The following SPECC1 variants were observed in gnomAD, a reference collection of about 807,000 sequenced individuals.
SPECC1 encodes cytospin-B.
SPECC1 carries 62 observed loss-of-function variants against 104.1 expected under a neutral mutation model. The observed-to-expected ratio is 0.60, with a 90% confidence interval of 0.49 to 0.74. The LOEUF is 0.74. SPECC1 is among the 30% of genes least tolerant of loss of function. The pLI, the probability that SPECC1 is intolerant of heterozygous loss-of-function variation, is 0.00. For synonymous variants in SPECC1, 513 were observed against 501.6 expected (o/e 1.02, Z -0.30); for missense variants, 1,306 against 1,310.5 (o/e 1.00, Z 0.05).
chr17:20,019,942 G>A (rs966478716), intron 1 of SPECC1, among the ~76,000 whole-genome samples: 6 of 152,260 alleles, frequency 3.9e-5, no homozygotes, highest in African/African-American at 1.2e-4. Flanking sequence ...CACAAGATTG[G>A]GAATTCCTTG....
intron 2 of SPECC1, among the ~76,000 whole-genome samples, chr17:20,107,455 CTTTTT>C (rs1306566275): frequency 6.9e-6 from 1 of 145,748 alleles, no homozygotes; most frequent in Non-Finnish European, 1.5e-5. Context: ...CTTTTCTTTT[CTTTTT>C]TCTTTTTTTT....
chr17:20,290,375 T>G (rs2041123204), intron 12 of SPECC1: 1 of 149,922 alleles, frequency 6.7e-6, no homozygotes, highest in South Asian at 2.1e-4. Context: ...AGAGTCTCAC[T>G]CTGTCACCCA....
intron 12 of SPECC1, among the ~76,000 whole-genome samples, chr17:20,284,171 G>C (rs1227592455): frequency 6.6e-6 from 1 of 152,124 alleles, no homozygotes; most frequent in Non-Finnish European, 1.5e-5. Context: ...CTGGGAGAAG[G>C]GAAACTCCTG....
At chr17:20,306,268 A>C (rs575261961) in intron 14 of SPECC1, 186 bp downstream of exon 14, 2 of 527,494 alleles carry the variant, frequency 3.8e-6, no homozygotes, top group African/African-American at 3.8e-5. Flanking sequence ...GAGATTTTCA[A>C]TCGCATAAGA....
chr17:20,081,328 A>C (rs565827522), intron 1 of SPECC1, among the ~76,000 whole-genome samples: 1 of 152,098 alleles, frequency 6.6e-6, no homozygotes, highest in East Asian at 1.9e-4. Flanking sequence ...TTGAGCAAAC[A>C]AATGAATGAG....
At chr17:20,155,838 C>A in intron 3 of SPECC1, 1 of 868,186 alleles carries the variant, frequency 1.2e-6, no homozygotes, top group Non-Finnish European at 1.4e-6. Context: ...CCGCCCACGG[C>A]GCGGGGCCTT....
chr17:20,169,758 C>T (rs1228844607), intron 3 of SPECC1, among the ~76,000 whole-genome samples: 1 of 152,150 alleles, frequency 6.6e-6, no homozygotes, highest in Non-Finnish European at 1.5e-5. Context: ...CTGCCCTGGC[C>T]TCCCAAAATG....
At chr17:20,197,625 GA>G (rs1318504542) in intron 3 of SPECC1, among the ~76,000 whole-genome samples, 3 of 152,090 alleles carry the variant, frequency 2.0e-5, no homozygotes, top group Middle Eastern at 3.2e-3. Context: ...CTGTTCCCTG[GA>G]AGGCAGAGAC....
chr17:20,101,426 G>A (rs992431587), intron 2 of SPECC1, among the ~76,000 whole-genome samples: 2 of 152,208 alleles, frequency 1.3e-5, no homozygotes, highest in Admixed American at 1.3e-4. Flanking sequence ...GTGATGATGA[G>A]CTTTTTTTCA....
intron 3 of SPECC1, among the ~76,000 whole-genome samples, chr17:20,135,886 T>C (rs1364748208): frequency 6.6e-6 from 1 of 152,234 alleles, no homozygotes; most frequent in African/African-American, 2.4e-5. Flanking sequence ...AGAGAGGGCA[T>C]AGGCATGACT....
chr17:20,016,561 C>T (rs1032088480), intron 1 of SPECC1, among the ~76,000 whole-genome samples: 9 of 152,168 alleles, frequency 5.9e-5, no homozygotes, highest in Non-Finnish European at 1.2e-4. Context: ...GCACTGGGAG[C>T]GGCCGGCCAG....
In SPECC1 at chr17:20,040,828, C is replaced by T. The variant is rs1200830322; in HGVS notation, c.-22+31404C>T. Among the ~76,000 whole-genome samples, 3 of 152,174 alleles carry T rather than the reference C, an allele frequency of 2.0e-5. No homozygotes were observed. The East Asian group carries it at 5.8e-4, about 29-fold the overall frequency. On this transcript the variant is annotated intron_variant, in intron 1 of 14. Transcript: ENST00000395527. ...ATTGGGCTTTTTATTTGGGGTTCAGCATTTCGAATCTATAGGTTTATGTCT... is the reference window on the plus strand; with the variant it reads ...ATTGGGCTTTTTATTTGGGGTTCAGTATTTCGAATCTATAGGTTTATGTCT...
chr17:20,274,605 CT>C (rs2040517808), intron 12 of SPECC1, among the ~76,000 whole-genome samples: 1 of 150,710 alleles, frequency 6.6e-6, no homozygotes, highest in South Asian at 2.1e-4. Context: ...CTCAGCCTCC[CT>C]AGTAGCTGGG....
chr17:20,030,241 CAT>C (rs1426025196), intron 1 of SPECC1, among the ~76,000 whole-genome samples: 4 of 151,998 alleles, frequency 2.6e-5, no homozygotes, highest in Non-Finnish European at 2.9e-5. Context: ...TAGGGTTTAA[CAT>C]GTGTGTCTTA....
At chr17:20,285,106 T>TCA (rs1399249132) in intron 12 of SPECC1, among the ~76,000 whole-genome samples, 1 of 152,106 alleles carries the variant, frequency 6.6e-6, no homozygotes, top group Non-Finnish European at 1.5e-5. Context: ...CCCCAGTGAT[T>TCA]GATGTTTTTT....
chr17:20,206,299 A>G (rs956762327), intron 4 of SPECC1, among the ~76,000 whole-genome samples: 4 of 152,172 alleles, frequency 2.6e-5, no homozygotes, highest in Admixed American at 6.5e-5. Context: ...AGTTCTGAAG[A>G]TTGAGTGGGA....
At chr17:20,027,741 T>A in intron 1 of SPECC1, among the ~76,000 whole-genome samples, 1 of 152,236 alleles carries the variant, frequency 6.6e-6, no homozygotes, top group East Asian at 1.9e-4. Flanking sequence ...TTCTTTATTC[T>A]GTTCCATTGG....
intron 3 of SPECC1, among the ~76,000 whole-genome samples, chr17:20,185,408 A>G (rs991313910): frequency 6.6e-6 from 1 of 152,162 alleles, no homozygotes; most frequent in Non-Finnish European, 1.5e-5. Flanking sequence ...CCGTTCTGTA[A>G]TAAGTCCAAC....
At chr17:20,109,127 A>G (rs1567849287) in intron 2 of SPECC1, among the ~76,000 whole-genome samples, 2 of 152,156 alleles carry the variant, frequency 1.3e-5, no homozygotes, top group African/African-American at 4.8e-5. Context: ...GGGTGGTTAC[A>G]CCCTGAAATT....
Sources: gnomAD v4.1 joint callset for allele counts (sites outside exome capture counted in the v4.1 genomes callset) on GRCh38, gnomAD v4.1.1 for gene constraint, MANE v1.5 for transcripts, NCBI Gene and HGNC (gene_info 2026-07-23, HGNC 2026-07-21) for gene names.